Variants in ANO9 observed in about 807,000 individuals in gnomAD.
The protein encoded by ANO9 is anoctamin 9.
A neutral mutation model predicts 100.5 loss-of-function variants in ANO9; 80 were observed. The ratio of observed to expected loss-of-function variants is 0.80; its 90% CI spans 0.66 to 0.96. ANO9 has a LOEUF of 0.96. ANO9 is among the 40% of genes least tolerant of loss of function. The pLI is 0.00. For missense variants in ANO9, 1,064 were observed against 1,072.7 expected (o/e 0.99, Z 0.11); for synonymous variants, 473 against 435.6 (o/e 1.09, Z -1.07).
Position 422,152 on chromosome 11 carries a change from G to GCACAAGTTATAC in ANO9, c.1335-966_1335-955dup. On this transcript the variant is annotated intron_variant, in intron 15 of 22. Coordinates refer to ENST00000332826, the MANE Select transcript of ANO9 (RefSeq NM_001012302.3). This position sits in a 1 kb window ranked among gnomAD's most constrained non-coding sequence, Gnocchi z 4.3. Reference sequence around the variant, plus strand: ...AAGTATCGGTCACCCGCAGACACCAGCACAAGTTATACCATAACGAGACTG... The same window carrying GCACAAGTTATAC: ...AAGTATCGGTCACCCGCAGACACCAGCACAAGTTATACCACAAGTTATACCATAACGAGACTG... 6.6e-6 allele frequency among the ~76,000 whole-genome samples: 1 copy of GCACAAGTTATAC among 152,292 alleles called. No individual in the cohort carries two copies. The highest frequency in any genetic ancestry group is 1.9e-4 in the East Asian group (1 of 5,192).
rs758007024 is a variant in ANO9, at chr11:419,584, G to T, written c.1932C>A (p.Val644=). The T allele has an allele frequency of 1.2e-6, 2 of 1,613,112 alleles. No individual in the cohort carries two copies. Among genetic ancestry groups the T allele is most frequent in the Non-Finnish European group, 1.7e-6 (2 of 1,179,774 alleles). The change falls in exon 20 of 23, where the codon GTC becomes GTA. Residue 644 remains valine (V), a splice_region_variant and synonymous_variant. Transcript: ENST00000332826. ...CTCCAGACACCCTGAGGCCTTACTC[G>T]ACAGTAGAGTTGCCTTCTTTCAGGC... ...SPCLKEGNST[V]DCLKGYVNHS... is the part of the protein sequence containing the mutation.
At chr11:441,311 A>G (rs972495478) in intron 1 of ANO9, among the ~76,000 whole-genome samples, 2 of 152,104 alleles carry the variant, frequency 1.3e-5, no homozygotes, top group Non-Finnish European at 2.9e-5. Context: ...ATGTCTTTCT[A>G]CGTGTTCACC....
rs1848179412 is a variant in ANO9 at position 421,419 on chromosome 11, CCG to C, written c.1335-223_1335-222del. The C allele has an allele frequency of 2.3e-6, 1 of 429,172 alleles. No individual in the cohort carries two copies. The highest frequency in any genetic ancestry group is 4.3e-5 in the Admixed American group (1 of 23,416). The allele number at this position is 429,172 out of a possible 1,614,324, so 26.6% of individuals were successfully genotyped here. On this transcript the variant is annotated intron_variant, in intron 15 of 22. Coordinates refer to ENST00000332826, the MANE Select transcript of ANO9 (RefSeq NM_001012302.3). This position sits in a 1 kb window ranked among gnomAD's most constrained non-coding sequence, Gnocchi z 6.8. ...GGGAGGCCACAGGCTCCCAGATGAA[CCG>C]CACCCACACGTGGGCGCGCGCACAC...
intron 1 of ANO9, among the ~76,000 whole-genome samples, chr11:435,426 G>GTAGTC (rs1409478191): frequency 3.6e-5 from 4 of 110,682 alleles, no homozygotes; most frequent in Non-Finnish European, 7.6e-5. Flanking sequence ...CTAGTATGGT[G>GTAGTC]TAGTCTAGTC....
chr11:428,616 G>C lies in ANO9; in HGVS notation c.1044C>G (p.Ala348=). The C allele has an allele frequency of 6.2e-7, 1 of 1,612,138 alleles. No homozygotes were observed. The highest frequency in any genetic ancestry group is 8.5e-7 in the Non-Finnish European group (1 of 1,179,596). Residue 348 remains alanine, a synonymous_variant, in exon 13 of 23, where the codon GCC becomes GCG. Coordinates refer to ENST00000332826, the MANE Select transcript of ANO9 (RefSeq NM_001012302.3). Reference sequence around the variant, plus strand: ...GGACGCGGTAGACCACCAGGACGTGGGCCATGCCGATCATGAGGCAGATCT... The same window carrying C: ...GGACGCGGTAGACCACCAGGACGTGCGCCATGCCGATCATGAGGCAGATCT... ...LLMICLMIGM[A]HVLVVYRVLA...
At chr11:419,105 C>T in intron 20 of ANO9, 116 bp from the exon 21 acceptor site, 1 of 1,540,512 alleles carries the variant, frequency 6.5e-7, no homozygotes, top group Non-Finnish European at 8.7e-7. Context: ...GGCCACGCCA[C>T]AGACTGCGTC....
Position 418,436 on chromosome 11 carries a change from G to T in ANO9, c.2284C>A (p.Arg762=). Residue 762 remains arginine (R), a synonymous_variant, in exon 23 of 23, where the codon CGG becomes AGG. Coordinates refer to ENST00000332826, the MANE Select transcript of ANO9 (RefSeq NM_001012302.3). The part of the protein sequence containing the change: ...QRLGGVGAGS[R]PPMPAHPTPA... ...GTGGGATGGGCAGGCATTGGGGGCCGAGAGCCTGCCCCCACCCCACCCAGC... is the reference window on the plus strand; with the variant it reads ...GTGGGATGGGCAGGCATTGGGGGCCTAGAGCCTGCCCCCACCCCACCCAGC... The T allele has an allele frequency of 2.5e-6, 4 of 1,612,522 alleles. No homozygotes were observed. The South Asian group carries it at 3.3e-5, about 13-fold the overall frequency.
chr11:435,325 T>C (rs753410290), intron 1 of ANO9, among the ~76,000 whole-genome samples: 4 of 151,966 alleles, frequency 2.6e-5, no homozygotes, highest in African/African-American at 4.8e-5. Flanking sequence ...GGTAGTATGG[T>C]ATAGTATGGT....
rs1161188765 is a variant in ANO9 at position 430,193 on chromosome 11, G to A, written c.675-14C>T. The A allele has an allele frequency of 1.3e-6, 2 of 1,550,852 alleles. No homozygotes were observed. The highest frequency in any genetic ancestry group is 1.7e-6 in the Non-Finnish European group (2 of 1,147,576). ...CAGATCTCCTTGCTGAAGGGGCAGGGATGAGGCTGGGGTCGGCTCCTCCAG... is the reference window on the plus strand; with the variant it reads ...CAGATCTCCTTGCTGAAGGGGCAGGAATGAGGCTGGGGTCGGCTCCTCCAG... On this transcript the variant is annotated splice_polypyrimidine_tract_variant and intron_variant, in intron 8 of 22. Coordinates refer to ENST00000332826, the MANE Select transcript of ANO9 (RefSeq NM_001012302.3).
chr11:427,451 G>T (rs1848586271), intron 15 of ANO9, among the ~76,000 whole-genome samples: 1 of 151,882 alleles, frequency 6.6e-6, no homozygotes, highest in Non-Finnish European at 1.5e-5. Flanking sequence ...CCTTTTTTTG[G>T]CCAGGTGCAG....
At chr11:435,199 G>A (rs1849358749) in intron 1 of ANO9, among the ~76,000 whole-genome samples, 1 of 151,034 alleles carries the variant, frequency 6.6e-6, no homozygotes, top group African/African-American at 2.5e-5. Context: ...GGATAGCATA[G>A]CATAGTATAG....
chr11:425,600 C>T (rs1186998458), intron 15 of ANO9, among the ~76,000 whole-genome samples: 6 of 148,282 alleles, frequency 4.0e-5, no homozygotes, highest in African/African-American at 1.2e-4. Context: ...CTTCATGCTA[C>T]GATAACCTAA....
intron 19 of ANO9, 192 bp downstream of exon 19, chr11:420,271 G>T (rs1848091857): frequency 3.5e-6 from 5 of 1,428,670 alleles, no homozygotes; most frequent in Admixed American, 2.9e-5. Context: ...CAAAGCGCTC[G>T]GCCCCGCCCA....
rs1848069369 is a variant in ANO9 at position 419,856 on chromosome 11, G to A, written c.1787-127C>T. 3 of 1,461,326 alleles carry A rather than the reference G, an allele frequency of 2.1e-6. No homozygotes were observed. In the South Asian group the frequency reaches 4.0e-5, roughly 20 times the overall value. The allele number at this position is 1,461,326 out of a possible 1,614,324, so 90.5% of individuals were successfully genotyped here. ...CGTGGTGTCCCCTTGCAGCCCTAGG[G>A]CTGCAGTATTCACAAGGAAGTCCCC... On this transcript the variant is annotated intron_variant, in intron 19 of 22. Coordinates refer to ENST00000332826, the MANE Select transcript of ANO9 (RefSeq NM_001012302.3).
intron 11 of ANO9, 33 bp downstream of exon 11, chr11:429,537 T>C: frequency 3.1e-6 from 5 of 1,610,160 alleles, no homozygotes; most frequent in Non-Finnish European, 3.4e-6. Context: ...CCTGCTCGGG[T>C]CGGCCTCAGC....
At chr11:441,168 T>A (rs1590569108) in intron 1 of ANO9, among the ~76,000 whole-genome samples, 1 of 152,278 alleles carries the variant, frequency 6.6e-6, no homozygotes, top group East Asian at 1.9e-4. Context: ...GTGGAGGCCC[T>A]GGCAGGCCGA....
chr11:419,047 GC>G, intron 20 of ANO9, 58 bp from the exon 21 acceptor site: 1 of 1,609,172 alleles, frequency 6.2e-7, no homozygotes, highest in Non-Finnish European at 8.5e-7. Flanking sequence ...GCCCCTTCAG[GC>G]CCCAGAGTGC....
chr11:418,655 G>A (rs925945325), intron 22 of ANO9, 65 bp downstream of exon 22: 24 of 1,610,142 alleles, frequency 1.5e-5, no homozygotes, highest in South Asian at 7.7e-5. Flanking sequence ...GTTCAGGGCC[G>A]GGGAGAAGGA....
At position 434,048 on chromosome 11, in the gene ANO9, C is replaced by T. The variant is rs200738136; in HGVS notation, c.57G>A (p.Pro19=). ...CCTCACAGGTGCTGATCTCCATCAG[C>T]GGGAAGCTGTCCCCTTCGGGCTCCA... ...ILVEPEGDSF[P]LMEISTCETE... The change falls in exon 2 of 23, where the codon CCG becomes CCA. Residue 19 remains proline, a synonymous_variant. Transcript: ENST00000332826. The T allele has an allele frequency of 3.9e-6, 6 of 1,551,042 alleles. No homozygotes were observed. Among genetic ancestry groups the T allele is most frequent in the Middle Eastern group, 1.7e-4 (1 of 5,982 alleles).
Sources: gnomAD v4.1 joint callset for allele counts (sites outside exome capture counted in the v4.1 genomes callset) on GRCh38, gnomAD v4.1.1 for gene constraint, Gnocchi (gnomAD v3.1) non-coding constraint, MANE v1.5 for transcripts, NCBI Gene and HGNC (gene_info 2026-07-23, HGNC 2026-07-21) for gene names.